Variants in CADM2 observed in about 807,000 individuals in gnomAD.
CADM2 encodes the protein cell adhesion molecule 2.
A neutral mutation model predicts 49.8 loss-of-function variants in CADM2; 12 were observed. The observed-to-expected ratio is 0.24, with a 90% CI of 0.15 to 0.39. The LOEUF (loss-of-function observed/expected upper bound fraction) is 0.39. Among genes scored for constraint, CADM2 ranks in the 10% least tolerant of loss-of-function variants. The pLI is 1.00. For missense variants in CADM2, 378 were observed against 492.3 expected (o/e 0.77, Z 2.20); for synonymous variants, 214 against 175.4 (o/e 1.22, Z -1.74).
intron 1 of CADM2, among the ~76,000 whole-genome samples, chr3:85,186,670 C>T (rs1039650995): frequency 2.8e-4 from 42 of 151,848 alleles, no homozygotes; most frequent in African/African-American, 9.9e-4. Flanking sequence ...CTGGCCTATA[C>T]ACACTAGATA....
intron 1 of CADM2, among the ~76,000 whole-genome samples, chr3:85,430,677 A>AAAGAG (rs1553722512): frequency 8.0e-5 from 12 of 149,322 alleles, no homozygotes; most frequent in Admixed American, 6.7e-4. Flanking sequence ...GGAGAAAGAC[A>AAAGAG]GAGAAAAGAA....
At chr3:85,282,267 C>G (rs866356497) in intron 1 of CADM2, among the ~76,000 whole-genome samples, 7,293 of 113,518 alleles carry the variant, frequency 0.064, 678 homozygotes, top group African/African-American at 0.24. Flanking sequence ...TTTTTTTTTG[C>G]CTTTTTTTTT....
chr3:85,326,604 A>G (rs923377363), intron 1 of CADM2, among the ~76,000 whole-genome samples: 2 of 152,170 alleles, frequency 1.3e-5, no homozygotes, highest in Admixed American at 1.3e-4. Context: ...TCAATTTTGA[A>G]ATGATTTTTC....
intron 1 of CADM2, among the ~76,000 whole-genome samples, chr3:85,683,685 A>T (rs1361254122): frequency 6.6e-6 from 1 of 152,214 alleles, no homozygotes; most frequent in Non-Finnish European, 1.5e-5. Context: ...CAGGATTATA[A>T]TGAACCTAGC....
chr3:85,753,960 T>A (rs1276511952), intron 2 of CADM2, among the ~76,000 whole-genome samples: 1 of 151,704 alleles, frequency 6.6e-6, no homozygotes, highest in Non-Finnish European at 1.5e-5. Context: ...TGACTTGGGG[T>A]TTTATAGGTT....
chr3:86,052,199 G>T (rs1419993199), intron 8 of CADM2, among the ~76,000 whole-genome samples: 3 of 151,998 alleles, frequency 2.0e-5, no homozygotes, highest in African/African-American at 7.2e-5. Context: ...TTTATTTTAG[G>T]TTATGTATTT....
At chr3:85,138,165 C>T (rs1263280973) in intron 1 of CADM2, among the ~76,000 whole-genome samples, 2 of 148,794 alleles carry the variant, frequency 1.3e-5, no homozygotes, top group African/African-American at 2.5e-5. Context: ...TTCAGCTGTT[C>T]TTTCCTTTGT....
chr3:85,433,292 G>A (rs1271177474), intron 1 of CADM2, among the ~76,000 whole-genome samples: 1 of 152,048 alleles, frequency 6.6e-6, no homozygotes, highest in African/African-American at 2.4e-5. Flanking sequence ...CCAGACATCT[G>A]TCTATAGTGA....
chr3:85,200,112 G>T (rs5021123), intron 1 of CADM2, among the ~76,000 whole-genome samples: 26,531 of 151,778 alleles, frequency 0.17, 4,366 homozygotes, highest in African/African-American at 0.44. Context: ...CTTATCTTAT[G>T]TGAATTCAGT....
At chr3:85,535,048 G>A (rs1434062051) in intron 1 of CADM2, among the ~76,000 whole-genome samples, 1 of 150,794 alleles carries the variant, frequency 6.6e-6, no homozygotes, top group Non-Finnish European at 1.5e-5. Context: ...TTCATAATAT[G>A]TGACAAATGC....
At chr3:86,061,935 T>G (rs1334294171) in intron 8 of CADM2, among the ~76,000 whole-genome samples, 1 of 151,864 alleles carries the variant, frequency 6.6e-6, no homozygotes, top group Non-Finnish European at 1.5e-5. Flanking sequence ...AAAATTATAT[T>G]TTGATGTTAA....
intron 3 of CADM2, among the ~76,000 whole-genome samples, chr3:85,846,879 A>C (rs1483741520): frequency 2.0e-5 from 3 of 152,126 alleles, no homozygotes; most frequent in African/African-American, 7.2e-5. Context: ...ATAAATTAAA[A>C]TATAAGATTT....
chr3:85,322,179 A>G (rs2044632009), intron 1 of CADM2, among the ~76,000 whole-genome samples: 3 of 152,196 alleles, frequency 2.0e-5, no homozygotes, highest in African/African-American at 7.2e-5. Flanking sequence ...GAGTTTATAT[A>G]ACCTCGAAAA....
At chr3:85,209,503 A>C (rs553465825) in intron 1 of CADM2, among the ~76,000 whole-genome samples, 1 of 152,278 alleles carries the variant, frequency 6.6e-6, no homozygotes, top group Non-Finnish European at 1.5e-5. Context: ...TTATTTCTCA[A>C]ATTTCTCTGG....
chr3:85,717,101 T>C (rs573189435), intron 1 of CADM2, among the ~76,000 whole-genome samples: 6 of 152,288 alleles, frequency 3.9e-5, no homozygotes, highest in African/African-American at 1.4e-4. Flanking sequence ...TGGCCATTTT[T>C]ATGATATTTA....
chr3:85,877,684 G>GTTTTTTTTTTTTT (rs368101272), intron 3 of CADM2, among the ~76,000 whole-genome samples: 349 of 111,856 alleles, frequency 3.1e-3, no homozygotes, highest in Non-Finnish European at 3.4e-3. Context: ...TTTTTCTTCT[G>GTTTTTTTTTTTTT]TTTTTTTTTT....
intron 1 of CADM2, among the ~76,000 whole-genome samples, chr3:85,611,059 A>T (rs1017822588): frequency 8.6e-5 from 13 of 151,974 alleles, no homozygotes; most frequent in Non-Finnish European, 1.8e-4. Context: ...TTGTTGCCAT[A>T]TGAAACTAAT....
chr3:84,974,888 T>C (rs1575951943), intron 1 of CADM2, among the ~76,000 whole-genome samples: 1 of 152,016 alleles, frequency 6.6e-6, no homozygotes, highest in African/African-American at 2.4e-5. Flanking sequence ...AAATCTTTGA[T>C]TATTATTAGA....
chr3:85,010,665 A>C (rs901023120), intron 1 of CADM2, among the ~76,000 whole-genome samples: 2 of 151,358 alleles, frequency 1.3e-5, no homozygotes, highest in Non-Finnish European at 2.9e-5. Flanking sequence ...CTTTACTTAA[A>C]CCTGTCCTTG....
Sources: allele counts gnomAD v4.1 joint callset (sites outside exome capture counted in the v4.1 genomes callset), GRCh38; gene constraint gnomAD v4.1.1; transcripts MANE v1.5; gene names NCBI Gene and HGNC (gene_info 2026-07-23, HGNC 2026-07-21).